The following SLC35F3 variants were observed in gnomAD, a reference collection of about 807,000 sequenced individuals.
The protein encoded by SLC35F3 is putative thiamine transporter SLC35F3.
Under a neutral mutation model 49.9 loss-of-function variants are expected in SLC35F3, and 25 were observed. The ratio of observed to expected loss-of-function variants is 0.50; its 90% confidence interval spans 0.37 to 0.70. The LOEUF is 0.70. SLC35F3 is among the 30% of genes least tolerant of loss of function. The pLI is 0.00. For missense variants in SLC35F3, 525 were observed against 639.8 expected (o/e 0.82, Z 1.94); for synonymous variants, 275 against 265.4 (o/e 1.04, Z -0.35).
chr1:234,323,456 C>A lies in SLC35F3; in HGVS notation c.*213C>A, dbSNP rs541221039. The stretch of plus-strand genomic sequence containing the variant: ...AATACAAAAGAGAAAAGAAGAACCT[C>A]TCAGTGCTTTTCCAACGAATGTAAA... On this transcript the variant is annotated 3_prime_UTR_variant, in exon 8 of 8. Coordinates refer to ENST00000366618, the MANE Select transcript of SLC35F3 (RefSeq NM_173508.4). The surrounding 1 kb of genome is among the most constrained non-coding windows in gnomAD (Gnocchi z 4.5). 15 of 572,190 alleles carry A rather than the reference C, an allele frequency of 2.6e-5. No individual in the cohort carries two copies. The African/African-American group carries it at 2.8e-4, about 11-fold the overall frequency. 35.4% of individuals were successfully genotyped at this position (572,190 alleles called of 1,614,324 possible). A position where few individuals can be genotyped will look rare whatever the true frequency, so the allele number is the denominator to read the frequency against.
intron 2 of SLC35F3, among the ~76,000 whole-genome samples, chr1:234,165,710 AT>A (rs1444240741): frequency 6.6e-6 from 1 of 151,796 alleles, no homozygotes; most frequent in South Asian, 2.1e-4. Flanking sequence ...TTTAATTTTG[AT>A]TTTTTTATTT....
At chr1:234,176,586 A>G (rs115332686) in intron 2 of SLC35F3, among the ~76,000 whole-genome samples, 470 of 152,290 alleles carry the variant, frequency 3.1e-3, no homozygotes, top group Non-Finnish European at 5.1e-3. Flanking sequence ...GATGGTCACT[A>G]GACTCACACT....
chr1:234,193,693 A>C (rs1030277642), intron 2 of SLC35F3, among the ~76,000 whole-genome samples: 4 of 152,142 alleles, frequency 2.6e-5, no homozygotes, highest in African/African-American at 9.7e-5. Flanking sequence ...CACAACTTGT[A>C]ATCCTACAAA....
At chr1:233,991,536 C>G (rs9435535) in intron 2 of SLC35F3, among the ~76,000 whole-genome samples, 59,841 of 151,958 alleles carry the variant, frequency 0.39, 12,219 homozygotes, top group Non-Finnish European at 0.44. Context: ...TGTTCAATTC[C>G]TCCTTTGTTC....
chr1:234,287,461 T>C (rs540455185), intron 3 of SLC35F3, among the ~76,000 whole-genome samples: 2 of 152,300 alleles, frequency 1.3e-5, no homozygotes, highest in South Asian at 2.1e-4. Context: ...TATTGAGCCT[T>C]CCTAAGGAGG....
intron 2 of SLC35F3, among the ~76,000 whole-genome samples, chr1:234,182,100 A>G (rs1042720031): frequency 1.3e-5 from 2 of 152,220 alleles, no homozygotes; most frequent in Admixed American, 1.3e-4. Context: ...TTGGATTTCT[A>G]ATATCTCCTA....
At chr1:234,188,394 G>C (rs1666679789) in intron 2 of SLC35F3, among the ~76,000 whole-genome samples, 1 of 152,156 alleles carries the variant, frequency 6.6e-6, no homozygotes, top group Non-Finnish European at 1.5e-5. Context: ...CTTTTGGGTT[G>C]TGCGGGAGCT....
intron 2 of SLC35F3, among the ~76,000 whole-genome samples, chr1:234,198,162 AG>A (rs1666842804): frequency 6.6e-6 from 1 of 152,242 alleles, no homozygotes; most frequent in Non-Finnish European, 1.5e-5. Context: ...GTTCTTGATT[AG>A]CACCTTTTGC....
At chr1:233,905,810 T>C (rs1455327203) in intron 2 of SLC35F3, 52 bp downstream of exon 2, 1 of 1,509,904 alleles carries the variant, frequency 6.6e-7, no homozygotes, top group Admixed American at 1.8e-5. Context: ...CTTCTTACCA[T>C]TGTCACAGCA....
chr1:234,198,026 T>A (rs1030765543), intron 2 of SLC35F3, among the ~76,000 whole-genome samples: 6 of 152,238 alleles, frequency 3.9e-5, no homozygotes, highest in Admixed American at 3.3e-4. Context: ...TTCTGTCACC[T>A]GTGATATGCT....
intron 7 of SLC35F3, among the ~76,000 whole-genome samples, chr1:234,322,392 T>C (rs35895302): frequency 6.6e-6 from 1 of 152,198 alleles, no homozygotes; most frequent in Non-Finnish European, 1.5e-5. Flanking sequence ...TTATGTATTG[T>C]ACTCTTACAA....
chr1:234,236,292 A>C (rs1667466224), intron 3 of SLC35F3, among the ~76,000 whole-genome samples: 2 of 152,020 alleles, frequency 1.3e-5, no homozygotes, highest in South Asian at 4.2e-4. Flanking sequence ...AATACTAAAA[A>C]TTAGCCAGGC....
chr1:234,219,483 G>A (rs1275651633), intron 2 of SLC35F3, among the ~76,000 whole-genome samples: 1 of 152,230 alleles, frequency 6.6e-6, no homozygotes, highest in Non-Finnish European at 1.5e-5. Flanking sequence ...TCTAAGAGGA[G>A]TGAAACATAA....
intron 7 of SLC35F3, among the ~76,000 whole-genome samples, chr1:234,321,225 G>A (rs143217392): frequency 3.5e-3 from 532 of 151,496 alleles, no homozygotes; most frequent in Middle Eastern, 6.8e-3. Flanking sequence ...GCCTCACAGC[G>A]GCGGCAGTGT....
At chr1:234,049,588 G>T (rs1355604534) in intron 2 of SLC35F3, among the ~76,000 whole-genome samples, 6 of 152,100 alleles carry the variant, frequency 3.9e-5, no homozygotes, top group African/African-American at 9.7e-5. Context: ...TATTAGGGAA[G>T]CCCAAGCTAA....
chr1:234,025,495 T>G (rs1461541276), intron 2 of SLC35F3, among the ~76,000 whole-genome samples: 5 of 152,248 alleles, frequency 3.3e-5, no homozygotes, highest in Non-Finnish European at 5.9e-5. Flanking sequence ...TTTTTTGACA[T>G]TTTAATAAAA....
chr1:234,100,637 A>C (rs1665200371), intron 2 of SLC35F3, among the ~76,000 whole-genome samples: 1 of 152,250 alleles, frequency 6.6e-6, no homozygotes, highest in Non-Finnish European at 1.5e-5. Context: ...CTTGGAAATA[A>C]ATAGATTAAA....
At chr1:234,304,169 T>A (rs897310512) in intron 3 of SLC35F3, among the ~76,000 whole-genome samples, 2 of 151,916 alleles carry the variant, frequency 1.3e-5, no homozygotes, top group African/African-American at 4.8e-5. Context: ...TTCTATTAAT[T>A]ATTTTTTTTT....
At chr1:234,163,426 G>A (rs1357081882) in intron 2 of SLC35F3, among the ~76,000 whole-genome samples, 2 of 152,128 alleles carry the variant, frequency 1.3e-5, no homozygotes, top group Non-Finnish European at 1.5e-5. Flanking sequence ...AAAGACAGAC[G>A]TCCTGTAGAG....
Sources: gnomAD v4.1 joint callset for allele counts (sites outside exome capture counted in the v4.1 genomes callset) on GRCh38, gnomAD v4.1.1 for gene constraint, Gnocchi (gnomAD v3.1) non-coding constraint, MANE v1.5 for transcripts, NCBI Gene and HGNC (gene_info 2026-07-23, HGNC 2026-07-21) for gene names.